Variants in HECW1 observed in about 807,000 individuals in gnomAD.
HECW1 encodes the protein HECT, C2 and WW domain containing E3 ubiquitin protein ligase 1.
HECW1 carries 61 observed loss-of-function variants against 182.3 expected under a neutral mutation model. That is an observed-to-expected ratio of 0.33 (90% CI 0.27 to 0.41). HECW1 has a LOEUF of 0.41. Ranked by LOEUF, HECW1 falls within the 10% of genes least tolerant of loss-of-function variation. The pLI is 1.00. For missense variants in HECW1, 1,739 were observed against 2,108.9 expected (o/e 0.82, Z 3.44); for synonymous variants, 859 against 832.6 (o/e 1.03, Z -0.55).
intron 2 of HECW1, among the ~76,000 whole-genome samples, chr7:43,203,395 A>G (rs934564572): frequency 6.6e-6 from 1 of 152,162 alleles, no homozygotes; most frequent in Non-Finnish European, 1.5e-5. Flanking sequence ...TTTTAAAGAT[A>G]ATTCCTGGAG....
chr7:43,424,785 T>C (rs1463604192), intron 8 of HECW1, among the ~76,000 whole-genome samples: 1 of 152,224 alleles, frequency 6.6e-6, no homozygotes, highest in Non-Finnish European at 1.5e-5. Flanking sequence ...TGATTTCATG[T>C]ATTATGTAAT....
At chr7:43,131,126 C>T (rs370106581) in intron 2 of HECW1, among the ~76,000 whole-genome samples, 1 of 152,012 alleles carries the variant, frequency 6.6e-6, no homozygotes, top group East Asian at 1.9e-4. Context: ...ATTAGATGGG[C>T]GTGGTGGCAC....
At chr7:43,371,021 G>C (rs1023679255) in intron 6 of HECW1, among the ~76,000 whole-genome samples, 1 of 151,840 alleles carries the variant, frequency 6.6e-6, no homozygotes, top group South Asian at 2.1e-4. Context: ...CCGAGTAGCT[G>C]GGACTACAGG....
chr7:43,164,477 C>G (rs928806251), intron 2 of HECW1, among the ~76,000 whole-genome samples: 24 of 152,260 alleles, frequency 1.6e-4, no homozygotes, highest in African/African-American at 5.3e-4. Context: ...CTGGATCGAG[C>G]CTTGAGTGGA....
intron 2 of HECW1, among the ~76,000 whole-genome samples, chr7:43,208,562 C>G (rs901461527): frequency 1.3e-5 from 2 of 152,232 alleles, no homozygotes; most frequent in African/African-American, 4.8e-5. Context: ...ACATTCATCT[C>G]TTCTGGGCCT....
intron 6 of HECW1, among the ~76,000 whole-genome samples, chr7:43,388,392 A>T (rs751803509): frequency 6.6e-6 from 1 of 152,246 alleles, no homozygotes; most frequent in African/African-American, 2.4e-5. Flanking sequence ...ATCACATGTC[A>T]TCAGATCTAA....
At chr7:43,472,676 C>T (rs1031304027) in intron 16 of HECW1, among the ~76,000 whole-genome samples, 3 of 151,906 alleles carry the variant, frequency 2.0e-5, no homozygotes, top group South Asian at 4.2e-4. Context: ...TAATTGGGCT[C>T]ACTAAATTAC....
intron 8 of HECW1, among the ~76,000 whole-genome samples, chr7:43,417,296 C>T (rs888513617): frequency 5.9e-5 from 9 of 152,126 alleles, no homozygotes; most frequent in African/African-American, 1.7e-4. Context: ...GTGATCCACC[C>T]GCCTTGATTT....
intron 2 of HECW1, among the ~76,000 whole-genome samples, chr7:43,149,738 T>G (rs1789094290): frequency 6.6e-6 from 1 of 152,170 alleles, no homozygotes; most frequent in South Asian, 2.1e-4. Context: ...AATAAAAATA[T>G]TTACAGATAT....
intron 2 of HECW1, among the ~76,000 whole-genome samples, chr7:43,123,370 G>C (rs1006107): frequency 6.6e-6 from 1 of 152,032 alleles, no homozygotes; most frequent in African/African-American, 2.4e-5. Context: ...TGTACCTGCC[G>C]TTGACCTTGG....
chr7:43,546,499 A>G (rs921641527), intron 26 of HECW1, among the ~76,000 whole-genome samples: 13 of 151,766 alleles, frequency 8.6e-5, no homozygotes, highest in African/African-American at 2.9e-4. Flanking sequence ...TAAAGTTCCT[A>G]TGACTCCTGA....
chr7:43,441,118 G>GC (rs1562978077), intron 9 of HECW1, among the ~76,000 whole-genome samples: 2 of 152,282 alleles, frequency 1.3e-5, no homozygotes, highest in Non-Finnish European at 1.5e-5. Context: ...TCCTATTTAG[G>GC]CCCAGGTAAG....
intron 28 of HECW1, among the ~76,000 whole-genome samples, chr7:43,553,687 A>AT (rs1277899940): frequency 2.0e-5 from 3 of 147,036 alleles, no homozygotes; most frequent in Non-Finnish European, 4.5e-5. Flanking sequence ...AAAAAAAAAA[A>AT]AGTCTCTGCC....
At chr7:43,154,381 C>G (rs1207766614) in intron 2 of HECW1, among the ~76,000 whole-genome samples, 1 of 152,104 alleles carries the variant, frequency 6.6e-6, no homozygotes, top group Non-Finnish European at 1.5e-5. Flanking sequence ...CAATTTCATT[C>G]ACTCATTCAT....
intron 24 of HECW1, among the ~76,000 whole-genome samples, chr7:43,513,504 C>G (rs1156710812): frequency 1.3e-5 from 2 of 152,166 alleles, no homozygotes; most frequent in Non-Finnish European, 2.9e-5. Context: ...TGTGTGTGGG[C>G]TTTGTATCCA....
chr7:43,410,236 C>T (rs1402838092), intron 8 of HECW1, among the ~76,000 whole-genome samples: 2 of 152,194 alleles, frequency 1.3e-5, no homozygotes, highest in African/African-American at 4.8e-5. Context: ...AGTTCCGAAG[C>T]TGGGAAGTCC....
At chr7:43,272,845 T>C (rs542350979) in intron 3 of HECW1, among the ~76,000 whole-genome samples, 1 of 152,270 alleles carries the variant, frequency 6.6e-6, no homozygotes, top group South Asian at 2.1e-4. Context: ...AAACAAACCG[T>C]TACACCAAAA....
chr7:43,463,799 G>A lies in HECW1; in HGVS notation c.2791G>A (p.Asp931Asn). ...SEAESSQSSL[D>N]LRREGSLSPV... ...AGCCGAATCTTCCCAGTCCAGCTTA[G>A]GTATTGGAGGAGGGGTCCCCACAAC... The change falls in exon 14 of 30, where the codon GAT (aspartate) becomes AAT (asparagine). Residue 931 changes from aspartate (D) to asparagine (N), a missense_variant and splice_region_variant. Around this residue, in one of 5 missense-constraint regions of HECW1, gnomAD observed 971 missense variants for 1,029.1 expected, o/e 0.94. Transcript: ENST00000395891. 3 of 1,613,568 alleles carry A rather than the reference G, an allele frequency of 1.9e-6. No individual in the cohort carries two copies. Among genetic ancestry groups the A allele is most frequent in the Non-Finnish European group, 2.5e-6 (3 of 1,179,724 alleles).
At chr7:43,114,438 A>T in intron 2 of HECW1, 47 bp downstream of exon 2, 1 of 1,322,008 alleles carries the variant, frequency 7.6e-7, no homozygotes, top group Non-Finnish European at 9.9e-7. Flanking sequence ...TGTGTTTTCC[A>T]CTAAGAAGGG....
Sources: gnomAD v4.1 joint callset for allele counts (sites outside exome capture counted in the v4.1 genomes callset) on GRCh38, gnomAD v4.1.1 for gene constraint, gnomAD v4.1.1 regional missense constraint, MANE v1.5 for transcripts, NCBI Gene and HGNC (gene_info 2026-07-23, HGNC 2026-07-21) for gene names.